Variants in TOX observed in about 807,000 individuals in gnomAD.
TOX encodes thymocyte selection associated high mobility group box.
Under a neutral mutation model 53.7 loss-of-function variants are expected in TOX, and 11 were observed. That is an observed-to-expected ratio of 0.20 (90% CI 0.13 to 0.34). The LOEUF is 0.34. Ranked by LOEUF, TOX falls within the 10% of genes least tolerant of loss-of-function variation. The pLI is 1.00. For synonymous variants in TOX, 225 were observed against 245.3 expected, an observed-to-expected ratio of 0.92 and a Z score of 0.77; for missense variants, 570 against 664.6, an observed-to-expected ratio of 0.86 and a Z score of 1.56.
In TOX at chr8:58,932,934, G is replaced by T. The variant is rs1396159201; in HGVS notation, c.411+6368C>A. ...GGCTTGCTTTTGTTCGCTGGAAAAAGAAGGCATTTGGGAAATAAACCCCCC... is the reference window on the plus strand; with the variant it reads ...GGCTTGCTTTTGTTCGCTGGAAAAATAAGGCATTTGGGAAATAAACCCCCC... On this transcript the variant is annotated intron_variant, in intron 3 of 8. Transcript: ENST00000361421. 2.6e-5 allele frequency among the ~76,000 whole-genome samples: 4 copies of T among 152,238 alleles called. No homozygotes were observed. The South Asian group carries it at 8.3e-4, about 32-fold the overall frequency.
Position 58,868,067 on chromosome 8 carries a change from C to A in TOX, c.412-16262G>T, listed in dbSNP as rs564532297. On this transcript the variant is annotated intron_variant, in intron 3 of 8. Coordinates refer to ENST00000361421, the MANE Select transcript of TOX (RefSeq NM_014729.3). ...CCTGGTGGGATATAATTGAATCATG[C>A]AGGCAGGTCTTTTCTGTGTTCTTGT... Among the ~76,000 whole-genome samples the A allele has an allele frequency of 5.1e-4, 78 of 152,266 alleles. 1 individual carries two copies. Among genetic ancestry groups the A allele is most frequent in the Middle Eastern group, 3.4e-3 (1 of 294 alleles).
chr8:58,896,203 C>T (rs1811642182), intron 3 of TOX, among the ~76,000 whole-genome samples: 1 of 152,058 alleles, frequency 6.6e-6, no homozygotes, highest in Non-Finnish European at 1.5e-5. Flanking sequence ...GGCCAGCCCA[C>T]ATGGAGGTTC....
intron 1 of TOX, among the ~76,000 whole-genome samples, chr8:59,015,102 A>G (rs1248138203): frequency 2.0e-5 from 3 of 152,234 alleles, no homozygotes; most frequent in Non-Finnish European, 4.4e-5. Flanking sequence ...TTCAATTTAA[A>G]TCTAAATGTC....
At chr8:58,898,469 G>A (rs574973710) in intron 3 of TOX, among the ~76,000 whole-genome samples, 38 of 146,824 alleles carry the variant, frequency 2.6e-4, no homozygotes, top group African/African-American at 8.8e-4. Context: ...CAAAACATCC[G>A]GTTTAGGGAA....
chr8:58,947,991 G>T (rs1353581519), intron 2 of TOX, among the ~76,000 whole-genome samples: 7 of 152,176 alleles, frequency 4.6e-5, no homozygotes, highest in Non-Finnish European at 5.9e-5. Context: ...CAAACTTCAG[G>T]CTACTAGGCT....
At chr8:59,079,255 T>G (rs1223993645) in intron 1 of TOX, among the ~76,000 whole-genome samples, 1 of 152,144 alleles carries the variant, frequency 6.6e-6, no homozygotes, top group Non-Finnish European at 1.5e-5. Context: ...AAATTTTAGT[T>G]ATGCAAATAT....
At chr8:59,064,588 G>A (rs747286515) in intron 1 of TOX, among the ~76,000 whole-genome samples, 3 of 151,866 alleles carry the variant, frequency 2.0e-5, no homozygotes, top group Admixed American at 6.6e-5. Flanking sequence ...CAAGCTTCTC[G>A]GAAGTCAAAA....
At chr8:58,942,173 A>T (rs1169857933) in intron 2 of TOX, among the ~76,000 whole-genome samples, 7 of 152,170 alleles carry the variant, frequency 4.6e-5, no homozygotes, top group African/African-American at 1.4e-4. Flanking sequence ...CTCTGAAAAT[A>T]CTAAGGGATA....
intron 7 of TOX, 131 bp from the exon 8 acceptor site, chr8:58,808,400 G>C (rs1046762628): frequency 2.9e-5 from 33 of 1,126,080 alleles, no homozygotes; most frequent in Non-Finnish European, 3.7e-5. Context: ...AAGCCTGTCG[G>C]AAGAGCCCAG....
intron 1 of TOX, among the ~76,000 whole-genome samples, chr8:59,016,060 A>C (rs1385230068): frequency 6.6e-6 from 1 of 152,162 alleles, no homozygotes; most frequent in Non-Finnish European, 1.5e-5. Context: ...GTTTAAAGAA[A>C]TCCATATTTA....
intron 3 of TOX, among the ~76,000 whole-genome samples, chr8:58,903,981 C>G (rs1811771381): frequency 6.6e-6 from 1 of 152,086 alleles, no homozygotes; most frequent in Admixed American, 6.6e-5. Flanking sequence ...GTTAGATGAG[C>G]AAACACTATT....
intron 3 of TOX, among the ~76,000 whole-genome samples, chr8:58,896,590 G>T (rs1811651031): frequency 6.6e-6 from 1 of 152,092 alleles, no homozygotes. Flanking sequence ...CAGGGGAATC[G>T]CTTGAACCAG....
At chr8:58,938,560 G>T (rs554059194) in intron 3 of TOX, among the ~76,000 whole-genome samples, 2 of 152,166 alleles carry the variant, frequency 1.3e-5, no homozygotes, top group Admixed American at 1.3e-4. Flanking sequence ...AGTTTCAGAT[G>T]ACATAAAAAT....
At chr8:58,965,894 G>A (rs1158620032) in intron 1 of TOX, among the ~76,000 whole-genome samples, 1 of 49,616 alleles carries the variant, frequency 2.0e-5, no homozygotes, top group Non-Finnish European at 3.7e-5. Flanking sequence ...ACGAGTCATC[G>A]TTTTTTTTTT....
intron 6 of TOX, among the ~76,000 whole-genome samples, chr8:58,818,718 A>G (rs546329863): frequency 6.6e-6 from 1 of 152,328 alleles, no homozygotes; most frequent in Non-Finnish European, 1.5e-5. Context: ...GAAGGATCTG[A>G]AGGCTTGGAA....
intron 1 of TOX, among the ~76,000 whole-genome samples, chr8:59,088,695 T>C (rs1254061610): frequency 6.6e-6 from 1 of 152,232 alleles, no homozygotes; most frequent in African/African-American, 2.4e-5. Flanking sequence ...AAGGATGTCA[T>C]TTTCAATTAA....
chr8:58,974,243 A>C (rs1320298050), intron 1 of TOX, among the ~76,000 whole-genome samples: 4 of 152,038 alleles, frequency 2.6e-5, no homozygotes, highest in African/African-American at 9.7e-5. Flanking sequence ...GCTCCCATAC[A>C]CCCTACACTG....
intron 1 of TOX, among the ~76,000 whole-genome samples, chr8:58,976,208 T>C (rs1813097408): frequency 6.6e-6 from 1 of 152,262 alleles, no homozygotes. Context: ...TCTCAAATCC[T>C]ACTGCTGCTC....
intron 1 of TOX, among the ~76,000 whole-genome samples, chr8:58,969,933 T>C (rs961150565): frequency 8.5e-5 from 13 of 152,224 alleles, no homozygotes; most frequent in Non-Finnish European, 2.9e-5. Context: ...CACCATGTGA[T>C]GCCCTTTTGC....
Sources: gnomAD v4.1 joint callset for allele counts (sites outside exome capture counted in the v4.1 genomes callset) on GRCh38, gnomAD v4.1.1 for gene constraint, MANE v1.5 for transcripts, NCBI Gene and HGNC (gene_info 2026-07-23, HGNC 2026-07-21) for gene names.